AMZ1: variants seen among roughly 807,000 people sequenced by gnomAD.
AMZ1 encodes archaelysin family metallopeptidase 1, also known as archaemetzincin-1.
In AMZ1, 39 loss-of-function variants were observed where a neutral mutation model predicts 29.9. The observed-to-expected ratio is 1.30, with a 90% CI of 1.01 to 1.70. AMZ1 has a LOEUF of 1.70. AMZ1 is among the 40% of genes most tolerant of loss of function. The pLI is 0.00. For synonymous variants in AMZ1, 458 were observed against 304.0 expected (o/e 1.51, Z -5.27); for missense variants, 1,041 against 680.6 (o/e 1.53, Z -5.89).
Position 2,702,729 on chromosome 7 carries a change from C to T in AMZ1, c.312C>T (p.Ser104=), listed in dbSNP as rs149317306. Residue 104 remains serine (S), a synonymous_variant, in exon 3 of 7, where the codon AGC becomes AGT. Transcript: ENST00000683327. ...GTGCTGCTCTCCCACCAGACCTGAGCGAGGAGCCGGTGGGAAGCTCCCTGC... is the reference window on the plus strand; with the variant it reads ...GTGCTGCTCTCCCACCAGACCTGAGTGAGGAGCCGGTGGGAAGCTCCCTGC... ...KHIYLQPIDL[S]EEPVGSSLLH... The T allele has an allele frequency of 4.4e-3, 6,770 of 1,534,556 alleles. 33 individuals are homozygous for T. The highest frequency in any genetic ancestry group is 5.2e-3 in the Non-Finnish European group (5,941 of 1,142,848).
rs199862188 is a variant in AMZ1, at chr7:2,694,677, TTTA to T, written c.-218-5554_-218-5552del. On this transcript the variant is annotated intron_variant, in intron 1 of 6. Coordinates refer to ENST00000683327, the MANE Select transcript of AMZ1 (RefSeq NM_001384743.1). Reference sequence around the variant, plus strand: ...TCTCATATATATAATATATATTTTATTTATTTTTTTTTTGAGATGGAGTCTCGC... The same window carrying T: ...TCTCATATATATAATATATATTTTATTTTTTTTTTTGAGATGGAGTCTCGC... 2.0e-4 allele frequency among the ~76,000 whole-genome samples: 18 copies of T among 91,736 alleles called. No individual in the cohort carries two copies. In the South Asian group the frequency reaches 5.0e-3, roughly 25 times the overall value. The allele number at this position is 91,736 out of a possible 152,430, so 60.2% of individuals were successfully genotyped here. A position where few individuals can be genotyped will look rare whatever the true frequency, so the allele number is the denominator to read the frequency against.
At chr7:2,685,063 G>C (rs1267995898), upstream of AMZ1, among the ~76,000 whole-genome samples, 1 of 151,518 alleles carries the variant, frequency 6.6e-6, no homozygotes, top group Non-Finnish European at 1.5e-5. Flanking sequence ...TAAAGATGGA[G>C]TTTCACTGTG....
intron 4 of AMZ1, among the ~76,000 whole-genome samples, chr7:2,743,586 C>A: frequency 6.6e-6 from 1 of 152,190 alleles, no homozygotes; most frequent in East Asian, 1.9e-4. Context: ...AGGAACAGCT[C>A]CGGTCTACAG....
At chr7:2,758,798 A>G (rs1791420357) in intron 4 of AMZ1, among the ~76,000 whole-genome samples, 1 of 152,200 alleles carries the variant, frequency 6.6e-6, no homozygotes. Context: ...TACTCATCTA[A>G]TAGAACACCA....
In AMZ1 at chr7:2,709,129, C is replaced by G. The variant is rs766826076; in HGVS notation, c.656C>G (p.Pro219Arg). Residue 219 changes from proline to arginine, a missense_variant, in exon 5 of 7, where the codon CCC becomes CGC. Physicochemically the swap from Pro to Arg is moderately radical, Grantham distance 103 (BLOSUM62 -2). Coordinates refer to ENST00000683327, the MANE Select transcript of AMZ1 (RefSeq NM_001384743.1). The stretch of plus-strand genomic sequence containing the variant: ...TCAGGGGAATTCCCGAAGTCGGGGC[C>G]CAGCGCCCCTGATCTGGCCCTGGTA... ...RFSGEFPKSG[P>R]SAPDLALVEA... 6.3e-7 allele frequency: 1 copy of G among 1,599,246 alleles called. No individual in the cohort carries two copies.
chr7:2,685,074 T>C (rs557545261), upstream of AMZ1, among the ~76,000 whole-genome samples: 33 of 151,770 alleles, frequency 2.2e-4, no homozygotes, highest in South Asian at 6.7e-3. Context: ...TTTCACTGTG[T>C]TAGCCAGGAT....
chr7:2,706,306 G>T (rs540417457), intron 3 of AMZ1, among the ~76,000 whole-genome samples: 1 of 152,162 alleles, frequency 6.6e-6, no homozygotes, highest in Non-Finnish European at 1.5e-5. Context: ...AGCTGGGACC[G>T]CAGACACGTG....
rs988072297 is a variant in AMZ1 at position 2,718,076 on chromosome 7, G to A, written c.*5198G>A. Among the ~76,000 whole-genome samples the A allele has an allele frequency of 1.3e-5, 2 of 152,168 alleles. No homozygotes were observed. The highest frequency in any genetic ancestry group is 2.4e-5 in the African/African-American group (1 of 41,418). The stretch of plus-strand genomic sequence containing the variant: ...CTCCTGCCCTCTCTGAGAGGGGCCC[G>A]AGCTCTCGCAAGATTAACCAGAGAC... On this transcript the variant is annotated 3_prime_UTR_variant, in exon 7 of 7. Coordinates refer to ENST00000683327, the MANE Select transcript of AMZ1 (RefSeq NM_001384743.1).
upstream of AMZ1, chr7:2,763,254 C>A (rs1791659606): frequency 5.6e-6 from 2 of 356,046 alleles, no homozygotes; most frequent in African/African-American, 4.9e-5. Flanking sequence ...GTTCAGAAAA[C>A]ACATTTGCCT....
chr7:2,743,855 A>C lies in AMZ1; in HGVS notation n.551-20857A>C, dbSNP rs560534529. 1.0e-3 allele frequency among the ~76,000 whole-genome samples: 153 copies of C among 152,084 alleles called. 2 individuals are homozygous for C. Among genetic ancestry groups the C allele is most frequent in the Admixed American group, 3.4e-3 (52 of 15,256 alleles). On this transcript the variant is annotated intron_variant and non_coding_transcript_variant, in intron 4 of 4. Transcript: ENST00000489665. ...TGCACTTTCCCAACAGGCTTAAAAA[A>C]CGGCACACCAGATTACATCCCGCAC...
intron 4 of AMZ1, chr7:2,733,593 ATTTCGCCTCCG>A: frequency 1.1e-6 from 1 of 944,672 alleles, no homozygotes; most frequent in African/African-American, 1.6e-5. Flanking sequence ...GAGCAGTGGC[ATTTCGCCTCCG>A]TGTGAATGGG....
chr7:2,718,030 C>G lies in AMZ1; in HGVS notation c.*5152C>G, dbSNP rs1036411895. Among the ~76,000 whole-genome samples, 2 of 152,214 alleles carry G rather than the reference C, an allele frequency of 1.3e-5. No homozygotes were observed. Among genetic ancestry groups the G allele is most frequent in the African/African-American group, 4.8e-5 (2 of 41,458 alleles). Reference sequence around the variant, plus strand: ...TCCACAATGGCCCTCAGAGGGTCCGCGGCAGCCAGGCCCGTCCAACCTCCT... The same window carrying G: ...TCCACAATGGCCCTCAGAGGGTCCGGGGCAGCCAGGCCCGTCCAACCTCCT... On this transcript the variant is annotated 3_prime_UTR_variant, in exon 7 of 7. Coordinates refer to ENST00000683327, the MANE Select transcript of AMZ1 (RefSeq NM_001384743.1).
intron 3 of AMZ1, among the ~76,000 whole-genome samples, chr7:2,706,131 C>G (rs1381842952): frequency 1.3e-5 from 2 of 152,230 alleles, no homozygotes; most frequent in Non-Finnish European, 2.9e-5. Flanking sequence ...GCAGGTGGAA[C>G]TCAGAGGGTA....
upstream of AMZ1, among the ~76,000 whole-genome samples, chr7:2,761,525 C>G (rs551673251): frequency 5.3e-5 from 8 of 152,218 alleles, no homozygotes; most frequent in Non-Finnish European, 1.2e-4. Flanking sequence ...CTAAAAAGAG[C>G]TGGAACGGAC....
At chr7:2,741,072 A>G (rs572279805) in intron 4 of AMZ1, among the ~76,000 whole-genome samples, 3 of 149,792 alleles carry the variant, frequency 2.0e-5, no homozygotes, top group African/African-American at 7.4e-5. Context: ...AAACAAACAA[A>G]TAATCAAACA....
At chr7:2,733,506 C>CAGGA (rs1340870396) in intron 4 of AMZ1, 1 of 1,612,516 alleles carries the variant, frequency 6.2e-7, no homozygotes, top group Non-Finnish European at 8.5e-7. Context: ...CTCCCCCTGT[C>CAGGA]AGGAAGGAAG....
intron 1 of AMZ1, among the ~76,000 whole-genome samples, chr7:2,689,780 G>A (rs1787279499): frequency 1.3e-5 from 2 of 152,232 alleles, no homozygotes. Flanking sequence ...AGGGTCCAAA[G>A]GACAGCGAGA....
chr7:2,712,490 CT>C lies in AMZ1; in HGVS notation c.1110del (p.Asp371MetfsTer15). 2.5e-6 allele frequency: 4 copies of C among 1,610,012 alleles called. No individual in the cohort carries two copies. Among genetic ancestry groups the C allele is most frequent in the Non-Finnish European group, 3.4e-6 (4 of 1,178,874 alleles). ...ACCAGTGTGTCGGAGCCCCTCACCC[CT>C]GATGCCGGGAGTCACACCTTCGCCT... is the stretch of plus-strand genomic sequence containing the variant. ...PGTSVSEPLT[P>X]DAGSHTFASG... On this transcript the variant is annotated frameshift_variant, in exon 7 of 7. Coordinates refer to ENST00000683327, the MANE Select transcript of AMZ1 (RefSeq NM_001384743.1). LOFTEE classifies it low-confidence loss of function (END_TRUNC).
chr7:2,741,984 C>T (rs1790529496), intron 4 of AMZ1, among the ~76,000 whole-genome samples: 1 of 151,674 alleles, frequency 6.6e-6, no homozygotes, highest in Admixed American at 6.6e-5. Context: ...GTTATCATGC[C>T]TCTTTAGTTT....
Sources: allele counts gnomAD v4.1 joint callset (sites outside exome capture counted in the v4.1 genomes callset), GRCh38; gene constraint gnomAD v4.1.1; transcripts MANE v1.5; gene names NCBI Gene and HGNC (gene_info 2026-07-23, HGNC 2026-07-21).